SYCP1: variants seen among roughly 807,000 people sequenced by gnomAD.
The protein encoded by SYCP1 is cancer/testis antigen 8.
Under a neutral mutation model 153.1 loss-of-function variants are expected in SYCP1, and 64 were observed. The ratio of observed to expected loss-of-function variants is 0.42; its 90% CI spans 0.34 to 0.51. The LOEUF (loss-of-function observed/expected upper bound fraction) is 0.51, where lower values mean the gene tolerates loss of function less well. Ranked by LOEUF, SYCP1 falls within the 20% of genes least tolerant of loss-of-function variation. SYCP1 has a pLI of 0.06. For missense variants in SYCP1, 997 were observed against 1,049.0 expected, an observed-to-expected ratio of 0.95 and a Z score of 0.68; for synonymous variants, 384 against 341.8, an observed-to-expected ratio of 1.12 and a Z score of -1.36.
intron 23 of SYCP1, among the ~76,000 whole-genome samples, chr1:114,938,848 A>G (rs1670203395): frequency 6.6e-6 from 1 of 152,092 alleles, no homozygotes; most frequent in Non-Finnish European, 1.5e-5. Context: ...TGCAAATCAA[A>G]ATCTCATGAG....
Position 114,910,468 on chromosome 1 carries a change from A to G in SYCP1, c.1392A>G (p.Glu464=), listed in dbSNP as rs769271686. 1.8e-5 allele frequency: 29 copies of G among 1,597,032 alleles called. No homozygotes were observed. The Admixed American group carries it at 2.3e-4, about 13-fold the overall frequency. ...EKIAEELKGT[E]QELIGLLQAR... Reference sequence around the variant, plus strand: ...TTGCTGAAGAATTAAAAGGAACAGAACAAGAACTAATTGGTCTTCTCCAAG... The same window carrying G: ...TTGCTGAAGAATTAAAAGGAACAGAGCAAGAACTAATTGGTCTTCTCCAAG... The change falls in exon 17 of 32, where the codon GAA becomes GAG. Residue 464 remains glutamate (E), a synonymous_variant. Coordinates refer to ENST00000369522, the MANE Select transcript of SYCP1 (RefSeq NM_003176.4).
At chr1:114,907,157 C>T (rs1188686772) in intron 16 of SYCP1, among the ~76,000 whole-genome samples, 1 of 152,062 alleles carries the variant, frequency 6.6e-6, no homozygotes, top group African/African-American at 2.4e-5. Context: ...GTTTCTTATG[C>T]TTGTTGTTTG....
chr1:114,961,248 A>C (rs1387144277), intron 27 of SYCP1, among the ~76,000 whole-genome samples: 2 of 152,030 alleles, frequency 1.3e-5, no homozygotes, highest in Non-Finnish European at 2.9e-5. Flanking sequence ...TTCTTGGTTA[A>C]TCTCACAAAT....
intron 16 of SYCP1, among the ~76,000 whole-genome samples, chr1:114,897,982 C>T (rs1046365146): frequency 1.3e-5 from 2 of 152,190 alleles, no homozygotes; most frequent in African/African-American, 4.8e-5. Context: ...TGTCAGTAGC[C>T]TTTGAATTCC....
intron 12 of SYCP1, among the ~76,000 whole-genome samples, chr1:114,882,185 A>AAAACAAAC (rs371923005): frequency 0.027 from 4,064 of 151,688 alleles, 64 homozygotes; most frequent in African/African-American, 0.042. Flanking sequence ...ACCCTGTCTC[A>AAAACAAAC]AAACAAACAA....
At chr1:114,906,841 A>G (rs374879029) in intron 16 of SYCP1, among the ~76,000 whole-genome samples, 8 of 152,216 alleles carry the variant, frequency 5.3e-5, no homozygotes, top group Non-Finnish European at 1.0e-4. Context: ...GTAATTGTCA[A>G]TTAGGCTCAG....
intron 27 of SYCP1, among the ~76,000 whole-genome samples, chr1:114,955,663 A>C (rs139352436): frequency 9.2e-5 from 14 of 152,304 alleles, no homozygotes; most frequent in African/African-American, 3.4e-4. Context: ...ATCCAGTCAA[A>C]ATCTCACTTT....
intron 27 of SYCP1, among the ~76,000 whole-genome samples, chr1:114,954,074 A>G (rs187317609): frequency 1.3e-5 from 2 of 152,096 alleles, no homozygotes; most frequent in East Asian, 3.9e-4. Flanking sequence ...ATTTTTATTA[A>G]TTTTTAATTG....
chr1:114,936,634 G>C (rs942963982), intron 23 of SYCP1, among the ~76,000 whole-genome samples: 4 of 152,200 alleles, frequency 2.6e-5, no homozygotes, highest in African/African-American at 9.6e-5. Flanking sequence ...CAGATGACAT[G>C]ATTGTATATT....
At chr1:114,964,472 G>C (rs2101893525) in intron 27 of SYCP1, among the ~76,000 whole-genome samples, 1 of 152,184 alleles carries the variant, frequency 6.6e-6, no homozygotes, top group South Asian at 2.1e-4. Context: ...GAATGGTATT[G>C]CCTAGGTTTT....
At chr1:114,984,223 A>G (rs930340744) in intron 29 of SYCP1, among the ~76,000 whole-genome samples, 12 of 152,092 alleles carry the variant, frequency 7.9e-5, no homozygotes, top group African/African-American at 2.7e-4. Flanking sequence ...TACTTTTTAA[A>G]GATACTTTTA....
At chr1:114,976,872 G>A (rs977600553) in intron 27 of SYCP1, among the ~76,000 whole-genome samples, 3 of 151,738 alleles carry the variant, frequency 2.0e-5, no homozygotes, top group Non-Finnish European at 4.4e-5. Flanking sequence ...CATCATGGGC[G>A]AGTTTTACTG....
At chr1:114,965,288 T>G (rs1286118760) in intron 27 of SYCP1, among the ~76,000 whole-genome samples, 2 of 152,218 alleles carry the variant, frequency 1.3e-5, no homozygotes, top group African/African-American at 4.8e-5. Flanking sequence ...AAATATACAA[T>G]CATGTCTTCT....
chr1:114,874,534 A>T lies in SYCP1; in HGVS notation c.627A>T (p.Gln209His), dbSNP rs200957244. 68 of 1,577,082 alleles carry T rather than the reference A, an allele frequency of 4.3e-5. No homozygotes were observed. The highest frequency in any genetic ancestry group is 5.6e-5 in the Non-Finnish European group (65 of 1,158,970). Residue 209 changes from glutamine (Q) to histidine (H), a missense_variant, in exon 9 of 32, where the codon CAA becomes CAT. By Grantham distance (24) the Gln-to-His change is conservative. Around this residue, in one of 2 missense-constraint regions of SYCP1, gnomAD observed 285 missense variants for 366.1 expected, o/e 0.78. Coordinates refer to ENST00000369522, the MANE Select transcript of SYCP1 (RefSeq NM_003176.4). ...KYEYEREETR[Q>H]VYMDLNNNIE... The stretch of plus-strand genomic sequence containing the variant: ...AATATGAACGGGAAGAAACCAGGCA[A>T]GTTTATATGGATCTAAATAATAACA...
chr1:114,983,356 C>CA (rs1331496193), intron 29 of SYCP1, among the ~76,000 whole-genome samples: 1 of 151,940 alleles, frequency 6.6e-6, no homozygotes, highest in African/African-American at 2.4e-5. Flanking sequence ...CACTGCTTCA[C>CA]GTTGCTGCAA....
At position 114,857,219 on chromosome 1, in the gene SYCP1, T is replaced by C; in HGVS notation, c.194-13T>C. The C allele has an allele frequency of 1.3e-6, 2 of 1,589,100 alleles. No homozygotes were observed. The highest frequency in any genetic ancestry group is 1.7e-6 in the Non-Finnish European group (2 of 1,168,094). ...GTTGGCGTATTTAATACCTGTTGTC[T>C]TTTATCTTGCAGATCCTGCTTTACA... On this transcript the variant is annotated splice_polypyrimidine_tract_variant and intron_variant, in intron 3 of 31. Coordinates refer to ENST00000369522, the MANE Select transcript of SYCP1 (RefSeq NM_003176.4).
In SYCP1 at chr1:114,859,779, G is replaced by T; in HGVS notation, c.493G>T (p.Gly165Ter). The change falls in exon 7 of 32, where the codon GGA becomes TGA. Residue 165 changes from glycine (G) to a stop codon, truncating the protein, a stop_gained. Transcript: ENST00000369522. LOFTEE classifies it high-confidence loss of function. ...NEKVSLKLEEGIQENKDLIKE... is the reference protein window; with the variant it reads ...NEKVSLKLEE ...AAAAGTAAGTTTGAAATTAGAAGAA[G>T]GAATACAAGAAAATAAAGATTTAAT... 1.3e-6 allele frequency: 1 copy of T among 788,638 alleles called. No individual in the cohort carries two copies. The highest frequency in any genetic ancestry group is 1.8e-6 in the Non-Finnish European group (1 of 556,050). The allele number at this position is 788,638 out of a possible 1,614,324, so 48.9% of individuals were successfully genotyped here.
At chr1:114,902,597 C>T (rs1056569421) in intron 16 of SYCP1, among the ~76,000 whole-genome samples, 1 of 150,500 alleles carries the variant, frequency 6.6e-6, no homozygotes, top group Admixed American at 6.6e-5. Flanking sequence ...TCCTGAGGCC[C>T]CGCCCTGTCC....
rs1364286135 is a variant in SYCP1 at position 114,910,426 on chromosome 1, T to C, written c.1350T>C (p.Asn450=). Residue 450 remains asparagine (N), a synonymous_variant, in exon 17 of 32, where the codon AAT becomes AAC. Coordinates refer to ENST00000369522, the MANE Select transcript of SYCP1 (RefSeq NM_003176.4). ...AAAAGGAAACACTTTTATATGAAAATAAACAATTTGAGAAGATTGCTGAAG... is the reference window on the plus strand; with the variant it reads ...AAAAGGAAACACTTTTATATGAAAACAAACAATTTGAGAAGATTGCTGAAG... ...LGEKETLLYE[N]KQFEKIAEEL... 1.2e-6 allele frequency: 2 copies of C among 1,603,424 alleles called. No homozygotes were observed. The highest frequency in any genetic ancestry group is 1.1e-5 in the South Asian group (1 of 88,794).
Sources: allele counts gnomAD v4.1 joint callset (sites outside exome capture counted in the v4.1 genomes callset), GRCh38; gene constraint gnomAD v4.1.1; regional missense constraint gnomAD v4.1.1; transcripts MANE v1.5; gene names NCBI Gene and HGNC (gene_info 2026-07-23, HGNC 2026-07-21).